OGFOD3: variants seen among roughly 807,000 people sequenced by gnomAD.
OGFOD3 encodes 2-oxoglutarate and iron dependent oxygenase domain containing 3.
A neutral mutation model predicts 39.8 loss-of-function variants in OGFOD3; 35 were observed. That is an observed-to-expected ratio of 0.88 (90% CI 0.67 to 1.17). The LOEUF (loss-of-function observed/expected upper bound fraction) is 1.17. Among genes scored for constraint, OGFOD3 ranks in the 50% most tolerant of loss-of-function variants. The pLI, the probability that OGFOD3 is intolerant of heterozygous loss-of-function variation, is 0.00. For missense variants in OGFOD3, 438 were observed against 454.5 expected (o/e 0.96, Z 0.33); for synonymous variants, 200 against 192.0 (o/e 1.04, Z -0.34).
At chr17:82,416,306 T>C (rs1225941046) in intron 1 of OGFOD3, among the ~76,000 whole-genome samples, 5 of 152,000 alleles carry the variant, frequency 3.3e-5, no homozygotes, top group Non-Finnish European at 7.4e-5. Flanking sequence ...AAAATAAGGA[T>C]GTTTAAAAGG....
chr17:82,405,462 A>G, intron 5 of OGFOD3, 82 bp from the exon 6 acceptor site: 1 of 1,187,254 alleles, frequency 8.4e-7, no homozygotes, highest in East Asian at 2.3e-5. Flanking sequence ...CCATTCCTCA[A>G]GTCCCTGAAA....
intron 7 of OGFOD3, among the ~76,000 whole-genome samples, chr17:82,400,188 C>T (rs911667533): frequency 2.0e-5 from 3 of 152,156 alleles, no homozygotes; most frequent in South Asian, 2.1e-4. Context: ...GTGCCCTGGG[C>T]GGTGGGTCAA....
In OGFOD3 at chr17:82,415,478, G is replaced by T; in HGVS notation, c.224C>A (p.Ala75Asp). 1 of 1,613,904 alleles carries T rather than the reference G, an allele frequency of 6.2e-7. No individual in the cohort carries two copies. The highest frequency in any genetic ancestry group is 8.5e-7 in the Non-Finnish European group (1 of 1,179,984). ...GADDGVAEVL[A>D]RRGEVVAGRF... ...CCCTGCCACGACCTCGCCACGGCGG[G>T]CCAGGACCTCTGCGACCCCGTCGTC... Residue 75 changes from alanine (A) to aspartate (D), a missense_variant, in exon 2 of 9, where the codon GCC becomes GAC. Ala to Asp is a moderately radical substitution (Grantham distance 126). Coordinates refer to ENST00000313056, the MANE Select transcript of OGFOD3 (RefSeq NM_024648.3). This position sits in a 1 kb window ranked among gnomAD's most constrained non-coding sequence, Gnocchi z 5.3.
chr17:82,416,633 A>C (rs2053046624), intron 1 of OGFOD3, among the ~76,000 whole-genome samples: 1 of 152,106 alleles, frequency 6.6e-6, no homozygotes, highest in Non-Finnish European at 1.5e-5. Context: ...CATTTAAGGC[A>C]TATTAGGACA....
chr17:82,395,440 G>A (rs946479374), intron 8 of OGFOD3, among the ~76,000 whole-genome samples: 2 of 152,212 alleles, frequency 1.3e-5, no homozygotes, highest in African/African-American at 4.8e-5. Context: ...GGACCTAAAG[G>A]TGGTCTTGGG....
At position 82,392,513 on chromosome 17, in the gene OGFOD3, G is replaced by A. The variant is rs759303630; in HGVS notation, c.845C>T (p.Ser282Leu). ...CACGCGGTGTAGGTTCTCGGACCCCGAGGTGAAGAAGGAGACGCGACCTGG... is the reference window on the plus strand; with the variant it reads ...CACGCGGTGTAGGTTCTCGGACCCCAAGGTGAAGAAGGAGACGCGACCTGG... Reference protein sequence around the residue: ...PRAGRVSFFTSGSENLHRVEK... With the variant: ...PRAGRVSFFTLGSENLHRVEK... Residue 282 changes from serine to leucine, a missense_variant, in exon 9 of 9, where the codon TCG becomes TTG. Coordinates refer to ENST00000313056, the MANE Select transcript of OGFOD3 (RefSeq NM_024648.3). The surrounding 1 kb of genome is among the most constrained non-coding windows in gnomAD (Gnocchi z 4.2). 32 of 1,596,494 alleles carry A rather than the reference G, an allele frequency of 2.0e-5. No individual in the cohort carries two copies. The East Asian group carries it at 2.3e-4, about 11-fold the overall frequency.
chr17:82,406,344 G>T lies in OGFOD3; in HGVS notation c.488+74C>A. 1 of 1,368,172 alleles carries T rather than the reference G, an allele frequency of 7.3e-7. No homozygotes were observed. The highest frequency in any genetic ancestry group is 1.0e-6 in the Non-Finnish European group (1 of 960,536). The allele number at this position is 1,368,172 out of a possible 1,614,324, so 84.8% of individuals were successfully genotyped here. ...CCCTCACATGTCCACGTGTCCACAT[G>T]TCCATGGCTAAGAGGCACGGAGCCG... On this transcript the variant is annotated intron_variant, in intron 5 of 8. Coordinates refer to ENST00000313056, the MANE Select transcript of OGFOD3 (RefSeq NM_024648.3). This position sits in a 1 kb window ranked among gnomAD's most constrained non-coding sequence, Gnocchi z 5.2.
rs1217751206 is a variant in OGFOD3 at position 82,392,725 on chromosome 17, C to T, written c.824-191G>A. On this transcript the variant is annotated intron_variant, in intron 8 of 8. Transcript: ENST00000313056. The surrounding 1 kb of genome is among the most constrained non-coding windows in gnomAD (Gnocchi z 4.2). ...CTGGAGAAACAAACGCAGCAATGCT[C>T]AGGGGCCCTGTGGCGGAGGAGGGGC... The T allele has an allele frequency of 1.4e-6, 1 of 702,700 alleles. No homozygotes were observed. Among genetic ancestry groups the T allele is most frequent in the Admixed American group, 3.1e-5 (1 of 32,746 alleles). 43.5% of individuals were successfully genotyped at this position (702,700 alleles called of 1,614,324 possible).
At chr17:82,412,954 A>T (rs1202584835) in intron 2 of OGFOD3, among the ~76,000 whole-genome samples, 1 of 152,170 alleles carries the variant, frequency 6.6e-6, no homozygotes, top group Non-Finnish European at 1.5e-5. Context: ...TGCCAGCATC[A>T]GGGGCTTGGA....
chr17:82,401,781 G>A (rs904932666), intron 7 of OGFOD3, among the ~76,000 whole-genome samples: 1 of 107,218 alleles, frequency 9.3e-6, no homozygotes, highest in Admixed American at 1.2e-4. Context: ...TCCAGCCTGG[G>A]TGGCAGAGCA....
intron 1 of OGFOD3, among the ~76,000 whole-genome samples, chr17:82,416,916 C>A (rs914007265): frequency 2.0e-5 from 3 of 152,142 alleles, no homozygotes; most frequent in African/African-American, 7.2e-5. Flanking sequence ...CTCAAGTAAT[C>A]TAACCGCCTC....
In OGFOD3 at chr17:82,415,727, T is replaced by A; in HGVS notation, c.75-100A>T. The A allele has an allele frequency of 9.6e-7, 1 of 1,042,824 alleles. No homozygotes were observed. The highest frequency in any genetic ancestry group is 1.4e-6 in the Non-Finnish European group (1 of 727,468). The allele number at this position is 1,042,824 out of a possible 1,614,324, so 64.6% of individuals were successfully genotyped here. Reference sequence around the variant, plus strand: ...GCATGCACCATGACCCGGCCTTCACTCACACGTCACCCCTGAAACGAGGGC... The same window carrying A: ...GCATGCACCATGACCCGGCCTTCACACACACGTCACCCCTGAAACGAGGGC... On this transcript the variant is annotated intron_variant, in intron 1 of 8. Coordinates refer to ENST00000313056, the MANE Select transcript of OGFOD3 (RefSeq NM_024648.3). This position sits in a 1 kb window ranked among gnomAD's most constrained non-coding sequence, Gnocchi z 5.3.
rs1376456245 is a variant in OGFOD3, at chr17:82,398,245, C to G, written c.774G>C (p.Arg258=). The G allele has an allele frequency of 3.1e-6, 5 of 1,614,050 alleles. No individual in the cohort carries two copies. In the Admixed American group the frequency reaches 8.3e-5, roughly 27 times the overall value. ...SNYLEDFGGG[R]FMFMEEGANK... ...TGGCACCCTCCTCCATGAACATGAA[C>G]CGCCCTCCGCCGAAGTCCTCCAGGT... Residue 258 remains arginine, a synonymous_variant, in exon 8 of 9, where the codon CGG becomes CGC. Coordinates refer to ENST00000313056, the MANE Select transcript of OGFOD3 (RefSeq NM_024648.3).
chr17:82,409,552 CA>C, intron 3 of OGFOD3, 142 bp from the exon 4 acceptor site: 1 of 745,412 alleles, frequency 1.3e-6, no homozygotes, highest in South Asian at 1.7e-5. Flanking sequence ...ATGTTTAGAC[CA>C]AAGGACTCAA....
In OGFOD3 at chr17:82,392,530, G is replaced by C; in HGVS notation, c.828C>G (p.Arg276=). The change falls in exon 9 of 9, where the codon CGC becomes CGG. Residue 276 remains arginine, a synonymous_variant. Coordinates refer to ENST00000313056, the MANE Select transcript of OGFOD3 (RefSeq NM_024648.3). This position sits in a 1 kb window ranked among gnomAD's most constrained non-coding sequence, Gnocchi z 4.2. ...ANKTVEPRAG[R]VSFFTSGSEN... ...CGGACCCCGAGGTGAAGAAGGAGAC[G>C]CGACCTGGGAGAGGAGAAGAGAGAG... The C allele has an allele frequency of 6.3e-7, 1 of 1,586,862 alleles. No individual in the cohort carries two copies. Among genetic ancestry groups the C allele is most frequent in the East Asian group, 2.3e-5 (1 of 43,422 alleles).
intron 5 of OGFOD3, among the ~76,000 whole-genome samples, chr17:82,405,827 G>C (rs1002238002): frequency 7.9e-5 from 12 of 152,198 alleles, no homozygotes; most frequent in African/African-American, 2.9e-4. Context: ...GTGCGTGCCT[G>C]TAATCCCAGC....
chr17:82,405,295 G>A (rs188476085), intron 6 of OGFOD3, 29 bp downstream of exon 6: 17 of 1,603,614 alleles, frequency 1.1e-5, no homozygotes, highest in East Asian at 4.5e-5. Context: ...CCCCGCCTGC[G>A]AACCCCCACC....
At position 82,404,638 on chromosome 17, in the gene OGFOD3, T is replaced by G. The variant is rs1015518837; in HGVS notation, c.546-548A>C. On this transcript the variant is annotated intron_variant, in intron 6 of 8. Transcript: ENST00000313056. The surrounding 1 kb of genome is among the most constrained non-coding windows in gnomAD (Gnocchi z 4.5). ...GTGGGCATGGGCCCATGTGGGGGGCTCGAGGGGGGTCACTCATGTGTCCTG... is the reference window on the plus strand; with the variant it reads ...GTGGGCATGGGCCCATGTGGGGGGCGCGAGGGGGGTCACTCATGTGTCCTG... Among the ~76,000 whole-genome samples, 4 of 151,800 alleles carry G rather than the reference T, an allele frequency of 2.6e-5. No homozygotes were observed. Among genetic ancestry groups the G allele is most frequent in the African/African-American group, 9.7e-5 (4 of 41,304 alleles).
At chr17:82,408,803 C>A (rs1003422038) in intron 4 of OGFOD3, among the ~76,000 whole-genome samples, 4 of 152,208 alleles carry the variant, frequency 2.6e-5, no homozygotes, top group African/African-American at 9.6e-5. Context: ...TTAATTACAT[C>A]TGCAAAGGTC....
Sources: gnomAD v4.1 joint callset for allele counts (sites outside exome capture counted in the v4.1 genomes callset) on GRCh38, gnomAD v4.1.1 for gene constraint, Gnocchi (gnomAD v3.1) non-coding constraint, MANE v1.5 for transcripts, NCBI Gene and HGNC (gene_info 2026-07-23, HGNC 2026-07-21) for gene names.